Variants in AP1S2 observed in about 807,000 individuals in gnomAD.
AP1S2 encodes the protein AP-1 complex subunit sigma-2.
AP1S2 carries 1 observed loss-of-function variant against 14.3 expected under a neutral mutation model. The ratio of observed to expected loss-of-function variants is 0.07; its 90% CI spans 0.02 to 0.33. The LOEUF (loss-of-function observed/expected upper bound fraction) is 0.33, where lower values mean the gene tolerates loss of function less well. Ranked by LOEUF, AP1S2 falls within the 10% of genes least tolerant of loss-of-function variation. The pLI is 0.99. For missense variants in AP1S2, 30 were observed against 117.7 expected, an observed-to-expected ratio of 0.25 and a Z score of 3.45; for synonymous variants, 30 against 40.5, an observed-to-expected ratio of 0.74 and a Z score of 0.99.
At chrX:15,835,730 A>C (rs1197021064) in intron 4 of AP1S2, among the ~76,000 whole-genome samples, 1 of 111,244 alleles carries the variant, frequency 9.0e-6, no homozygotes, top group African/African-American at 3.3e-5. Context: ...ATTCTACTCT[A>C]GTTTTACCAT....
chrX:15,846,228 C>T (rs969625301), intron 2 of AP1S2, among the ~76,000 whole-genome samples: 21 of 111,701 alleles, frequency 1.9e-4, no homozygotes, highest in Non-Finnish European at 3.4e-4. Flanking sequence ...AATAATCATA[C>T]CACTTAGAAT....
At chrX:15,834,439 AATATATAT>A (rs1161066866) in intron 4 of AP1S2, among the ~76,000 whole-genome samples, 490 of 25,103 alleles carry the variant, frequency 0.02, 39 homozygotes, top group Admixed American at 0.13. Context: ...TCCCTTCCAA[AATATATAT>A]ATATATATAT....
At chrX:15,854,532 G>C (rs1160744150) in intron 1 of AP1S2, among the ~76,000 whole-genome samples, 156 bp downstream of exon 1, 2 of 111,771 alleles carry the variant, frequency 1.8e-5, no homozygotes, top group South Asian at 3.6e-4. Flanking sequence ...GCGCGGACAC[G>C]GAGAGAAGTG....
chrX:15,830,359 A>G (rs1933395139), intron 4 of AP1S2: 2 of 753,925 alleles, frequency 2.7e-6, no homozygotes, highest in Non-Finnish European at 3.1e-6. Context: ...TAGCACATCC[A>G]GGTGCTTCAA....
At chrX:15,834,331 G>C (rs943481074) in intron 4 of AP1S2, among the ~76,000 whole-genome samples, 2 of 95,158 alleles carry the variant, frequency 2.1e-5, no homozygotes, top group Non-Finnish European at 4.2e-5. Context: ...ATGAATTAAA[G>C]AAAAAAAAAG....
Position 15,826,330 on chromosome X carries a change from T to A in AP1S2, c.*995A>T, listed in dbSNP as rs1398855052. ...CTTTTTTGTAAGAAATGTGTCTTTT[T>A]AAATTTTTATAAGACTTCTGTTAAC... On this transcript the variant is annotated 3_prime_UTR_variant, in exon 6 of 6. Transcript: ENST00000672987. 1 of 112,540 alleles carries A rather than the reference T, an allele frequency of 8.9e-6. No individual in the cohort carries two copies. Among genetic ancestry groups the A allele is most frequent in the Non-Finnish European group, 1.9e-5 (1 of 53,278 alleles). The allele number at this position is 112,540 out of a possible 1,213,427, so 9.3% of individuals were successfully genotyped here.
In AP1S2 at chrX:15,835,485, A is replaced by G. The variant is rs567453103; in HGVS notation, c.427-7285T>C. 2.1e-4 allele frequency among the ~76,000 whole-genome samples: 24 copies of G among 112,195 alleles called. 1 individual carries two copies. The South Asian group carries it at 8.8e-3, about 41-fold the overall frequency. On this transcript the variant is annotated intron_variant, in intron 4 of 5. Coordinates refer to ENST00000672987, the MANE Select transcript of AP1S2 (RefSeq NM_001272071.2). ...CACTACGATCTATTTTGAGCAATGA[A>G]TGAAAAAACAGAAGAATTGAAAGCA...
At chrX:15,852,641 A>G (rs1294053823) in intron 1 of AP1S2, 117 bp from the exon 2 acceptor site, 1 of 712,287 alleles carries the variant, frequency 1.4e-6, no homozygotes, top group Non-Finnish European at 2.1e-6. Context: ...AATGATTAGT[A>G]GCCATCAATA....
intron 1 of AP1S2, chrX:15,852,973 A>G (rs1934223822): frequency 2.5e-6 from 1 of 395,089 alleles, no homozygotes; most frequent in Non-Finnish European, 3.2e-6. Context: ...TTCTAGTTCC[A>G]GGGTGAATTA....
intron 1 of AP1S2, among the ~76,000 whole-genome samples, chrX:15,854,326 C>G (rs956179483): frequency 2.7e-5 from 3 of 112,162 alleles, no homozygotes; most frequent in African/African-American, 9.7e-5. Flanking sequence ...AGGTGACAGG[C>G]AAGGAGCGGA....
intron 4 of AP1S2, chrX:15,833,169 T>C (rs1933487442): frequency 1.3e-6 from 1 of 752,835 alleles, no homozygotes; most frequent in Admixed American, 8.7e-5. Flanking sequence ...TATCATACCA[T>C]GTAAAAACCA....
rs894104991 is a variant in AP1S2 at position 15,826,267 on chromosome X, A to G, written c.*1058T>C. 2.8e-4 allele frequency: 32 copies of G among 112,575 alleles called. No individual in the cohort carries two copies. Among genetic ancestry groups the G allele is most frequent in the African/African-American group, 1.0e-3 (32 of 31,004 alleles). The allele number at this position is 112,575 out of a possible 1,213,427, so 9.3% of individuals were successfully genotyped here. ...CTGAACAATTACATAGCTTTAAAAA[A>G]TATAGAGCCATCTAATGCCATTTTA... On this transcript the variant is annotated 3_prime_UTR_variant, in exon 6 of 6. Transcript: ENST00000672987.
At chrX:15,840,542 C>G (rs1002613901) in intron 4 of AP1S2, 4 of 981,038 alleles carry the variant, frequency 4.1e-6, no homozygotes, top group South Asian at 2.0e-5. Flanking sequence ...TTAGACTGCT[C>G]TTTATCATAA....
intron 1 of AP1S2, among the ~76,000 whole-genome samples, chrX:15,853,591 A>T (rs1174085353): frequency 1.8e-5 from 2 of 112,386 alleles, no homozygotes; most frequent in Non-Finnish European, 3.8e-5. Flanking sequence ...CACCATCTTG[A>T]ATTTGAACAC....
intron 5 of AP1S2, 25 bp downstream of exon 5, chrX:15,828,167 T>G: frequency 9.2e-7 from 1 of 1,083,455 alleles, no homozygotes; most frequent in Non-Finnish European, 1.2e-6. Context: ...TAATATAAAT[T>G]TTTGGCATCC....
chrX:15,847,537 G>T (rs937776028), intron 2 of AP1S2, among the ~76,000 whole-genome samples: 1 of 112,012 alleles, frequency 8.9e-6, no homozygotes, highest in Admixed American at 9.5e-5. Flanking sequence ...CTTATTGAGA[G>T]GAGGTATTCA....
At chrX:15,852,616 G>A (rs768089171) in intron 1 of AP1S2, 92 bp from the exon 2 acceptor site, 9 of 841,486 alleles carry the variant, frequency 1.1e-5, no homozygotes, top group African/African-American at 4.1e-5. Flanking sequence ...TGGGGGATGG[G>A]GCATTTACAT....
chrX:15,827,406 G>A, intron 5 of AP1S2, 34 bp from the exon 6 acceptor site: 1 of 1,115,556 alleles, frequency 9.0e-7, no homozygotes, highest in Non-Finnish European at 1.2e-6. Context: ...CTGGTAAGCA[G>A]ATCCAGGGAG....
intron 4 of AP1S2, chrX:15,833,365 G>T: frequency 1.2e-6 from 1 of 849,404 alleles, no homozygotes; most frequent in Non-Finnish European, 1.4e-6. Context: ...CTGCTTTTAG[G>T]AAAGAAAAGG....
Sources: gnomAD v4.1 joint callset for allele counts (sites outside exome capture counted in the v4.1 genomes callset) on GRCh38, gnomAD v4.1.1 for gene constraint, MANE v1.5 for transcripts, NCBI Gene and HGNC (gene_info 2026-07-23, HGNC 2026-07-21) for gene names.